Variants in GABBR2 observed in about 807,000 individuals in gnomAD.
The protein encoded by GABBR2 is gamma-aminobutyric acid type B receptor subunit 2, also known as G-protein coupled receptor 51.
GABBR2 carries 23 observed loss-of-function variants against 105.6 expected under a neutral mutation model. The observed-to-expected ratio is 0.22, with a 90% CI of 0.16 to 0.31. GABBR2 has a LOEUF of 0.31. GABBR2 is among the 10% of genes least tolerant of loss of function. The pLI, the probability that GABBR2 is intolerant of heterozygous loss-of-function variation, is 1.00. For synonymous variants in GABBR2, 478 were observed against 499.7 expected, an observed-to-expected ratio of 0.96 and a Z score of 0.58; for missense variants, 734 against 1,245.5, an observed-to-expected ratio of 0.59 and a Z score of 6.18.
At chr9:98,315,144 G>C (rs1037187360) in intron 13 of GABBR2, among the ~76,000 whole-genome samples, 1 of 151,928 alleles carries the variant, frequency 6.6e-6, no homozygotes, top group Admixed American at 6.6e-5. Context: ...CTGACCTCTC[G>C]GAATCTTGAA....
chr9:98,429,966 A>T (rs376107376), intron 7 of GABBR2, among the ~76,000 whole-genome samples: 2 of 151,972 alleles, frequency 1.3e-5, no homozygotes, highest in East Asian at 3.9e-4. Flanking sequence ...TGGATGTCAG[A>T]CCCTTCATTG....
At chr9:98,637,912 C>A (rs972975782) in intron 1 of GABBR2, among the ~76,000 whole-genome samples, 2 of 152,116 alleles carry the variant, frequency 1.3e-5, no homozygotes, top group African/African-American at 2.4e-5. Flanking sequence ...TTACTATAGG[C>A]CAGATGATAT....
intron 1 of GABBR2, chr9:98,607,271 T>C (rs1829439724): frequency 4.7e-6 from 5 of 1,072,282 alleles, no homozygotes; most frequent in Admixed American, 1.7e-5. Context: ...CAGAATCGCA[T>C]GTGAACGGAC....
At chr9:98,399,583 C>G (rs943111201) in intron 8 of GABBR2, among the ~76,000 whole-genome samples, 1 of 152,136 alleles carries the variant, frequency 6.6e-6, no homozygotes, top group Non-Finnish European at 1.5e-5. Context: ...CCCACCAACC[C>G]CCATACCCAA....
rs1043114732 is a variant in GABBR2, at chr9:98,403,260, C to T, written c.1297+2821G>A. ...AGTGAGCCGAGATTGTGCCACTGCA[C>T]TCCAGCCTGGGTGACACAGTGAGAC... On this transcript the variant is annotated intron_variant, in intron 8 of 18. Coordinates refer to ENST00000259455, the MANE Select transcript of GABBR2 (RefSeq NM_005458.8). Among the ~76,000 whole-genome samples, 4 of 140,914 alleles carry T rather than the reference C, an allele frequency of 2.8e-5. No homozygotes were observed. The Admixed American group carries it at 3.1e-4, about 11-fold the overall frequency. 92.4% of individuals were successfully genotyped at this position (140,914 alleles called of 152,430 possible).
At chr9:98,653,413 T>G (rs1231881729) in intron 1 of GABBR2, among the ~76,000 whole-genome samples, 1 of 152,176 alleles carries the variant, frequency 6.6e-6, no homozygotes, top group Non-Finnish European at 1.5e-5. Context: ...TTAAAATAAA[T>G]GGCTGAAAGA....
intron 4 of GABBR2, among the ~76,000 whole-genome samples, chr9:98,492,349 T>TTAAAAAAA (rs752135873): frequency 1.0e-4 from 3 of 29,220 alleles, no homozygotes; most frequent in Non-Finnish European, 2.6e-4. Flanking sequence ...TGTTTCCTAG[T>TTAAAAAAA]AAAAAAAAAA....
chr9:98,341,804 G>T (rs1269360331), intron 13 of GABBR2, among the ~76,000 whole-genome samples: 2 of 152,188 alleles, frequency 1.3e-5, no homozygotes, highest in African/African-American at 4.8e-5. Flanking sequence ...AGCCCCAGAA[G>T]TGGGCTCTTG....
intron 13 of GABBR2, among the ~76,000 whole-genome samples, chr9:98,325,478 G>A (rs990080840): frequency 6.6e-6 from 1 of 151,964 alleles, no homozygotes; most frequent in African/African-American, 2.4e-5. Context: ...TTTTAGTAGA[G>A]ATGGGGTTTC....
intron 13 of GABBR2, among the ~76,000 whole-genome samples, chr9:98,342,213 G>C (rs1831225763): frequency 6.6e-6 from 1 of 152,080 alleles, no homozygotes; most frequent in Admixed American, 6.5e-5. Flanking sequence ...CCTCTCAAAG[G>C]TCAAGCAGGG....
chr9:98,377,741 G>C lies in GABBR2; in HGVS notation c.1663-6170C>G, dbSNP rs115569419. Among the ~76,000 whole-genome samples the C allele has an allele frequency of 4.4e-3, 670 of 152,218 alleles. 3 individuals carry two copies. The highest frequency in any genetic ancestry group is 0.015 in the African/African-American group (632 of 41,504). ...TGGCTCAGGAGTCTGGGGAGTCCCT[G>C]GTTCCCCACTCAGCCCCCTCCTCTG... On this transcript the variant is annotated intron_variant, in intron 11 of 18. Transcript: ENST00000259455.
At chr9:98,560,009 C>G (rs1296337196) in intron 2 of GABBR2, among the ~76,000 whole-genome samples, 4 of 151,082 alleles carry the variant, frequency 2.6e-5, no homozygotes, top group African/African-American at 7.3e-5. Context: ...CACACACACA[C>G]TTGCTCATAT....
At position 98,376,632 on chromosome 9, in the gene GABBR2, C is replaced by T. The variant is rs117656428; in HGVS notation, c.1663-5061G>A. On this transcript the variant is annotated intron_variant, in intron 11 of 18. Transcript: ENST00000259455. ...CCAGGGCCCATCTTGTCTTCTAGGG[C>T]AAGGGCGACAGATAAATCCTCAAGT... 4.0e-3 allele frequency among the ~76,000 whole-genome samples: 611 copies of T among 152,252 alleles called. 5 individuals carry two copies. The highest frequency in any genetic ancestry group is 8.0e-3 in the Admixed American group (123 of 15,290).
intron 2 of GABBR2, among the ~76,000 whole-genome samples, chr9:98,559,618 G>A (rs1460586258): frequency 6.6e-6 from 1 of 152,006 alleles, no homozygotes; most frequent in African/African-American, 2.4e-5. Flanking sequence ...TCATTCATTA[G>A]TTTTCTTAAC....
chr9:98,634,575 G>A (rs1000181693), intron 1 of GABBR2, among the ~76,000 whole-genome samples: 4 of 152,160 alleles, frequency 2.6e-5, no homozygotes, highest in African/African-American at 7.2e-5. Flanking sequence ...ACCAGAGCTG[G>A]AAGAGGCAAG....
chr9:98,605,468 GC>G (rs1355739208), intron 1 of GABBR2, among the ~76,000 whole-genome samples: 6 of 152,210 alleles, frequency 3.9e-5, no homozygotes, highest in Non-Finnish European at 7.3e-5. Flanking sequence ...GCTACTGTAT[GC>G]CCACATGAAC....
At chr9:98,644,466 C>A (rs970924684) in intron 1 of GABBR2, among the ~76,000 whole-genome samples, 2 of 152,340 alleles carry the variant, frequency 1.3e-5, no homozygotes, top group African/African-American at 2.4e-5. Context: ...GCCTCTAGTG[C>A]AGGACAGTTC....
At chr9:98,507,505 A>T (rs984675269) in intron 3 of GABBR2, among the ~76,000 whole-genome samples, 4 of 152,112 alleles carry the variant, frequency 2.6e-5, no homozygotes, top group African/African-American at 9.7e-5. Flanking sequence ...CAAAATCAAG[A>T]ACACCTTGAT....
chr9:98,626,642 T>C (rs953876771), intron 1 of GABBR2, among the ~76,000 whole-genome samples: 1 of 152,188 alleles, frequency 6.6e-6, no homozygotes, highest in East Asian at 1.9e-4. Context: ...GGAGTTAGAT[T>C]ATGTAAATAG....
Sources: gnomAD v4.1 joint callset for allele counts (sites outside exome capture counted in the v4.1 genomes callset) on GRCh38, gnomAD v4.1.1 for gene constraint, MANE v1.5 for transcripts, NCBI Gene and HGNC (gene_info 2026-07-23, HGNC 2026-07-21) for gene names.